The following MOXD1 variants were observed in gnomAD, a reference collection of about 807,000 sequenced individuals.
MOXD1 encodes DBH-like monooxygenase protein 1.
In MOXD1, 62 loss-of-function variants were observed where a neutral mutation model predicts 66.6. The ratio of observed to expected loss-of-function variants is 0.93; its 90% confidence interval spans 0.76 to 1.15. The LOEUF is 1.15. Ranked by LOEUF, MOXD1 falls within the 50% of genes most tolerant of loss-of-function variation. The probability of loss-of-function intolerance (pLI) is 0.00; values close to 1 mark genes in which losing one functional copy is unlikely to be tolerated. For missense variants in MOXD1, 847 were observed against 754.6 expected, an observed-to-expected ratio of 1.12 and a Z score of -1.44; for synonymous variants, 303 against 281.9, an observed-to-expected ratio of 1.07 and a Z score of -0.75.
chr6:132,365,298 T>C (rs371774083), intron 4 of MOXD1, among the ~76,000 whole-genome samples: 4 of 152,222 alleles, frequency 2.6e-5, no homozygotes, highest in East Asian at 1.9e-4. Flanking sequence ...AAACTTATCC[T>C]CCAAGTCCAT....
chr6:132,320,787 G>C (rs1413259590), intron 8 of MOXD1, 99 bp from the exon 9 acceptor site: 10 of 948,674 alleles, frequency 1.1e-5, no homozygotes, highest in Admixed American at 2.5e-5. Flanking sequence ...TGTATGAATG[G>C]ATGCGCCAAG....
chr6:132,367,683 G>A (rs747470185), intron 4 of MOXD1, among the ~76,000 whole-genome samples: 4 of 152,002 alleles, frequency 2.6e-5, no homozygotes, highest in Non-Finnish European at 5.9e-5. Flanking sequence ...TAATAGTTTT[G>A]TAAGTGTCAG....
At chr6:132,372,189 GT>G (rs909283587) in intron 4 of MOXD1, among the ~76,000 whole-genome samples, 9 of 151,950 alleles carry the variant, frequency 5.9e-5, no homozygotes, top group Non-Finnish European at 1.3e-4. Flanking sequence ...TATTATAACT[GT>G]TTTTTTATGA....
chr6:132,316,858 T>C (rs1312193151), intron 9 of MOXD1, among the ~76,000 whole-genome samples: 1 of 151,782 alleles, frequency 6.6e-6, no homozygotes, highest in Non-Finnish European at 1.5e-5. Flanking sequence ...GACAAAAAGG[T>C]AGAAAAAATA....
chr6:132,327,386 C>T (rs910089910), intron 6 of MOXD1, among the ~76,000 whole-genome samples: 6 of 152,288 alleles, frequency 3.9e-5, no homozygotes, highest in Admixed American at 3.9e-4. Flanking sequence ...ATAGTTGGAG[C>T]TCAGTATTTG....
intron 4 of MOXD1, among the ~76,000 whole-genome samples, chr6:132,330,342 T>C (rs1229000821): frequency 1.3e-5 from 2 of 152,066 alleles, no homozygotes; most frequent in African/African-American, 2.4e-5. Context: ...CTCATAGGAG[T>C]GCGAATCTTA....
intron 4 of MOXD1, among the ~76,000 whole-genome samples, chr6:132,348,856 C>A (rs746218431): frequency 6.2e-4 from 95 of 152,286 alleles, no homozygotes; most frequent in Non-Finnish European, 5.1e-4. Context: ...GCTAAACCAG[C>A]ATTTCTTTTT....
chr6:132,315,493 T>A, intron 10 of MOXD1, 142 bp downstream of exon 10: 1 of 976,754 alleles, frequency 1.0e-6, no homozygotes, highest in Non-Finnish European at 1.5e-6. Context: ...AAAAGGTTAC[T>A]TGGTCTCCCC....
intron 4 of MOXD1, among the ~76,000 whole-genome samples, chr6:132,342,581 C>T (rs1213646500): frequency 6.6e-6 from 1 of 152,110 alleles, no homozygotes; most frequent in East Asian, 1.9e-4. Flanking sequence ...TAAGAAAACA[C>T]AACATGAAGA....
intron 1 of MOXD1, among the ~76,000 whole-genome samples, chr6:132,398,798 G>A (rs913390870): frequency 1.3e-5 from 2 of 151,838 alleles, no homozygotes; most frequent in Admixed American, 6.6e-5. Context: ...AATCAGCCTG[G>A]CATGGTGACA....
chr6:132,400,856 A>G (rs1047923223), intron 1 of MOXD1, among the ~76,000 whole-genome samples: 1 of 152,126 alleles, frequency 6.6e-6, no homozygotes, highest in East Asian at 1.9e-4. Context: ...TCAGGGATGA[A>G]GCGGGGTGTA....
intron 4 of MOXD1, among the ~76,000 whole-genome samples, chr6:132,337,798 A>G (rs1775470437): frequency 6.6e-6 from 1 of 152,238 alleles, no homozygotes. Flanking sequence ...CTATATTAGC[A>G]TATATAGTAA....
At chr6:132,384,241 T>TCTTCCTTC (rs149111930) in intron 1 of MOXD1, among the ~76,000 whole-genome samples, 153 of 112,484 alleles carry the variant, frequency 1.4e-3, no homozygotes, top group African/African-American at 4.5e-3. Flanking sequence ...TCCCTCCCTC[T>TCTTCCTTC]CTTCCTTCCT....
At chr6:132,325,729 T>C (rs1367416332) in intron 6 of MOXD1, among the ~76,000 whole-genome samples, 1 of 152,204 alleles carries the variant, frequency 6.6e-6, no homozygotes, top group Non-Finnish European at 1.5e-5. Context: ...AAAATGGCCA[T>C]AATAGTAGCA....
At position 132,315,745 on chromosome 6, in the gene MOXD1, G is replaced by C; in HGVS notation, c.1398C>G (p.Leu466=). 1 of 1,613,598 alleles carries C rather than the reference G, an allele frequency of 6.2e-7. No homozygotes were observed. Among genetic ancestry groups the C allele is most frequent in the Non-Finnish European group, 8.5e-7 (1 of 1,179,666 alleles). ...GGLSTRSEMC[L]SYLLYYPRIN... Reference sequence around the variant, plus strand: ...TTCTTGGGTAATAAAGAAGGTATGAGAGACACATTTCACTCCTGGTGCTTA... The same window carrying C: ...TTCTTGGGTAATAAAGAAGGTATGACAGACACATTTCACTCCTGGTGCTTA... The change falls in exon 10 of 12, where the codon CTC becomes CTG. Residue 466 remains leucine (L), a synonymous_variant. Transcript: ENST00000367963.
chr6:132,298,953 C>G (rs898177518), intron 10 of MOXD1, among the ~76,000 whole-genome samples: 1 of 152,040 alleles, frequency 6.6e-6, no homozygotes, highest in African/African-American at 2.4e-5. Context: ...ATAGTTCTAC[C>G]AAAAAGACCA....
At chr6:132,370,384 C>G (rs1776241320) in intron 4 of MOXD1, among the ~76,000 whole-genome samples, 1 of 151,918 alleles carries the variant, frequency 6.6e-6, no homozygotes, top group African/African-American at 2.4e-5. Flanking sequence ...GAAAGGCTGC[C>G]TTAAAACCAC....
At position 132,376,355 on chromosome 6, in the gene MOXD1, A is replaced by G. The variant is rs555641556; in HGVS notation, c.265-1578T>C. ...GGCATTTGGCATTTTTATTCCAAGCATCTTTGTATGGTAATTATAAGTGTG... is the reference window on the plus strand; with the variant it reads ...GGCATTTGGCATTTTTATTCCAAGCGTCTTTGTATGGTAATTATAAGTGTG... On this transcript the variant is annotated intron_variant, in intron 1 of 11. Transcript: ENST00000367963. Among the ~76,000 whole-genome samples the G allele has an allele frequency of 9.8e-5, 15 of 152,328 alleles. No homozygotes were observed. In the East Asian group the frequency reaches 1.3e-3, roughly 14 times the overall value.
chr6:132,371,249 G>C (rs889227661), intron 4 of MOXD1, among the ~76,000 whole-genome samples: 2 of 151,976 alleles, frequency 1.3e-5, no homozygotes, highest in African/African-American at 4.8e-5. Context: ...GAAGGACTTG[G>C]GCATGGTATT....
Sources: allele counts gnomAD v4.1 joint callset (sites outside exome capture counted in the v4.1 genomes callset), GRCh38; gene constraint gnomAD v4.1.1; transcripts MANE v1.5; gene names NCBI Gene and HGNC (gene_info 2026-07-23, HGNC 2026-07-21).